PKHD1: variants seen among roughly 807,000 people sequenced by gnomAD.
PKHD1 encodes fibrocystin.
Under a neutral mutation model 412.0 loss-of-function variants are expected in PKHD1, and 291 were observed. That is an observed-to-expected ratio of 0.71 (90% confidence interval 0.64 to 0.78). The LOEUF (loss-of-function observed/expected upper bound fraction) is 0.78. PKHD1 is among the 30% of genes least tolerant of loss of function. The pLI is 0.00. For missense variants in PKHD1, 4,825 were observed against 4,950.7 expected, an observed-to-expected ratio of 0.97 and a Z score of 0.76; for synonymous variants, 1,777 against 1,821.5, an observed-to-expected ratio of 0.98 and a Z score of 0.62.
chr6:51,645,024 A>G (rs944217862), intron 63 of PKHD1, among the ~76,000 whole-genome samples: 12 of 152,218 alleles, frequency 7.9e-5, no homozygotes, highest in Admixed American at 2.0e-4. Context: ...TCAAATTTGC[A>G]TAAGAATGGA....
intron 48 of PKHD1, among the ~76,000 whole-genome samples, chr6:51,857,542 A>G (rs971250760): frequency 6.6e-6 from 1 of 152,228 alleles, no homozygotes; most frequent in African/African-American, 2.4e-5. Flanking sequence ...TTTAACCTTT[A>G]GATTCATTTC....
intron 60 of PKHD1, among the ~76,000 whole-genome samples, chr6:51,725,233 G>T (rs150517007): frequency 6.6e-6 from 1 of 152,244 alleles, no homozygotes; most frequent in African/African-American, 2.4e-5. Context: ...CCCCAGTGTG[G>T]GACCATGTAA....
intron 37 of PKHD1, among the ~76,000 whole-genome samples, chr6:51,921,396 T>A (rs1348154818): frequency 6.6e-6 from 1 of 152,200 alleles, no homozygotes. Context: ...AATCTGACAA[T>A]TATGTGTCTT....
At position 51,619,349 on chromosome 6, in the gene PKHD1, G is replaced by C. The variant is rs1581702029; in HGVS notation, c.11957C>G (p.Ala3986Gly). ...TSHGHICAPGAPAQQVYLQET... is the reference protein window; with the variant it reads ...TSHGHICAPGGPAQQVYLQET... ...TTGCAGGTACACCTGCTGAGCAGGA[G>C]CACCTGGAGCACAGATGTGCCCATG... The change falls in exon 67 of 67, where the codon GCT (alanine) becomes GGT (glycine). Residue 3986 changes from alanine to glycine, a missense_variant. Coordinates refer to ENST00000371117, the MANE Select transcript of PKHD1 (RefSeq NM_138694.4). 6.2e-7 allele frequency: 1 copy of C among 1,614,230 alleles called. No individual in the cohort carries two copies. The highest frequency in any genetic ancestry group is 2.2e-5 in the East Asian group (1 of 44,882).
At chr6:51,847,118 C>T (rs1478378566) in intron 50 of PKHD1, among the ~76,000 whole-genome samples, 4 of 152,090 alleles carry the variant, frequency 2.6e-5, no homozygotes, top group African/African-American at 9.7e-5. Context: ...CGCCACCACA[C>T]CCAGCTAATT....
rs532353492 is a variant in PKHD1, at chr6:52,072,003, A to T, written c.602+112T>A. The stretch of plus-strand genomic sequence containing the variant: ...AATAGCTATGTGTGATTTATATTTT[A>T]AAAAAACAGATATATGGTGAGTGGG... On this transcript the variant is annotated intron_variant, in intron 8 of 66. Transcript: ENST00000371117. The T allele has an allele frequency of 1.9e-4, 145 of 748,460 alleles. 1 individual carries two copies. The highest frequency in any genetic ancestry group is 1.7e-3 in the South Asian group (119 of 68,762). The allele number at this position is 748,460 out of a possible 1,614,324, so 46.4% of individuals were successfully genotyped here.
chr6:52,061,128 CTA>C, intron 14 of PKHD1, among the ~76,000 whole-genome samples: 1 of 152,306 alleles, frequency 6.6e-6, no homozygotes, highest in South Asian at 2.1e-4. Flanking sequence ...TCGTTAAAAA[CTA>C]TGATAAATAT....
intron 52 of PKHD1, among the ~76,000 whole-genome samples, chr6:51,805,663 A>G (rs1582798754): frequency 6.6e-6 from 1 of 152,194 alleles, no homozygotes; most frequent in East Asian, 1.9e-4. Flanking sequence ...GACTATGTAA[A>G]AACAATGAGA....
intron 48 of PKHD1, among the ~76,000 whole-genome samples, chr6:51,863,978 C>T (rs572427063): frequency 6.6e-6 from 1 of 152,146 alleles, no homozygotes; most frequent in South Asian, 2.1e-4. Context: ...GACAGACGGA[C>T]AATTTAGAAA....
chr6:51,719,107 T>TATATA (rs10642882), intron 60 of PKHD1, among the ~76,000 whole-genome samples: 106,877 of 151,478 alleles, frequency 0.71, 38,593 homozygotes, highest in East Asian at 0.91. Flanking sequence ...TTTAAGTGCA[T>TATATA]ATATAAATAT....
In PKHD1 at chr6:51,903,988, T is replaced by C. The variant is rs757264119; in HGVS notation, c.6863A>G (p.Asp2288Gly). Residue 2288 changes from aspartate to glycine, a missense_variant and splice_region_variant, in exon 42 of 67, where the codon GAT becomes GGT. Coordinates refer to ENST00000371117, the MANE Select transcript of PKHD1 (RefSeq NM_138694.4). ...ISWEAIHGRK[D>G]DWSGHGNIIR... The stretch of plus-strand genomic sequence containing the variant: ...TTAAAATCAATTTACATATTTACCA[T>C]CTTTCCTTCCATGAATTGCCTCCCA... The C allele has an allele frequency of 1.3e-6, 2 of 1,567,164 alleles. No homozygotes were observed. The highest frequency in any genetic ancestry group is 1.1e-5 in the South Asian group (1 of 90,194).
intron 66 of PKHD1, chr6:51,622,680 T>C (rs1766776293): frequency 6.6e-6 from 1 of 152,084 alleles, no homozygotes; most frequent in African/African-American, 2.4e-5. Context: ...AAAAGGAAAA[T>C]GTCTGTAGTT....
At chr6:51,701,881 A>C (rs964162340) in intron 60 of PKHD1, among the ~76,000 whole-genome samples, 1 of 151,912 alleles carries the variant, frequency 6.6e-6, no homozygotes, top group Admixed American at 6.6e-5. Context: ...CAAGGATATT[A>C]TGTACACACT....
At chr6:51,705,296 G>A (rs1227273453) in intron 60 of PKHD1, among the ~76,000 whole-genome samples, 1 of 151,990 alleles carries the variant, frequency 6.6e-6, no homozygotes, top group Non-Finnish European at 1.5e-5. Flanking sequence ...CATAAAGTAA[G>A]GACAAAATAC....
intron 28 of PKHD1, among the ~76,000 whole-genome samples, chr6:52,034,726 C>T (rs925530036): frequency 2.6e-5 from 4 of 152,086 alleles, no homozygotes; most frequent in Admixed American, 2.6e-4. Flanking sequence ...CAATAAGAAA[C>T]ATTTAGAAAT....
At chr6:51,772,877 T>C in intron 54 of PKHD1, 88 bp from the exon 55 acceptor site, 1 of 777,970 alleles carries the variant, frequency 1.3e-6, no homozygotes. Context: ...GAGGCTGTTG[T>C]GCAAAACATG....
rs758703843 is a variant in PKHD1, at chr6:51,887,256, TAAG to T, written c.6997-14_6997-12del. 11 of 1,542,204 alleles carry T rather than the reference TAAG, an allele frequency of 7.1e-6. No homozygotes were observed. The East Asian group carries it at 9.0e-5, about 13-fold the overall frequency. ...ACACACTCTGTTCCCCTACAGAAAT[TAAG>T]AAGAGTTAAAAAATAGTTACCCCAT... On this transcript the variant is annotated splice_polypyrimidine_tract_variant and intron_variant, in intron 43 of 66. Coordinates refer to ENST00000371117, the MANE Select transcript of PKHD1 (RefSeq NM_138694.4).
chr6:51,986,758 C>T (rs544548699), intron 35 of PKHD1, among the ~76,000 whole-genome samples: 1 of 152,200 alleles, frequency 6.6e-6, no homozygotes, highest in South Asian at 2.1e-4. Context: ...TTTCTCATTC[C>T]CCAAGCAAAA....
At chr6:51,931,802 C>T (rs1267477427) in intron 37 of PKHD1, among the ~76,000 whole-genome samples, 1 of 146,898 alleles carries the variant, frequency 6.8e-6, no homozygotes, top group Non-Finnish European at 1.5e-5. Flanking sequence ...ATGGCCTAAT[C>T]TGGGAATATA....
Sources: gnomAD v4.1 joint callset for allele counts (sites outside exome capture counted in the v4.1 genomes callset) on GRCh38, gnomAD v4.1.1 for gene constraint, MANE v1.5 for transcripts, NCBI Gene and HGNC (gene_info 2026-07-23, HGNC 2026-07-21) for gene names.